The following ANTXR1 variants were observed in gnomAD, a reference collection of about 807,000 sequenced individuals.
The protein encoded by ANTXR1 is ANTXR cell adhesion molecule 1.
Under a neutral mutation model 78.1 loss-of-function variants are expected in ANTXR1, and 19 were observed. The observed-to-expected ratio is 0.24, with a 90% CI of 0.17 to 0.36. ANTXR1 has a LOEUF of 0.36. Among genes scored for constraint, ANTXR1 ranks in the 10% least tolerant of loss-of-function variants. ANTXR1 has a pLI of 1.00. For synonymous variants in ANTXR1, 273 were observed against 260.5 expected (o/e 1.05, Z -0.46); for missense variants, 518 against 718.6 (o/e 0.72, Z 3.19).
At chr2:69,237,436 G>A (rs1021522511) in intron 17 of ANTXR1, among the ~76,000 whole-genome samples, 1 of 152,200 alleles carries the variant, frequency 6.6e-6, no homozygotes, top group East Asian at 1.9e-4. Flanking sequence ...CTTTGGGGAA[G>A]GGGAAGGAGC....
At chr2:69,143,695 C>A (rs1008243127) in intron 12 of ANTXR1, among the ~76,000 whole-genome samples, 4 of 151,928 alleles carry the variant, frequency 2.6e-5, no homozygotes, top group African/African-American at 7.3e-5. Flanking sequence ...GTACTTAATG[C>A]CACTGAATTG....
At chr2:69,150,191 G>A (rs1326121096) in intron 12 of ANTXR1, among the ~76,000 whole-genome samples, 1 of 152,188 alleles carries the variant, frequency 6.6e-6, no homozygotes, top group Non-Finnish European at 1.5e-5. Flanking sequence ...ACTCAGAGTG[G>A]GAGTGAGCCA....
At chr2:69,207,499 G>A (rs558117044) in intron 17 of ANTXR1, among the ~76,000 whole-genome samples, 17 of 152,298 alleles carry the variant, frequency 1.1e-4, no homozygotes, top group Non-Finnish European at 1.6e-4. Flanking sequence ...GCAGTTTCAC[G>A]TACAGTTTTA....
At chr2:69,034,398 A>G (rs984681495) in intron 1 of ANTXR1, among the ~76,000 whole-genome samples, 2 of 152,198 alleles carry the variant, frequency 1.3e-5, no homozygotes, top group Non-Finnish European at 2.9e-5. Flanking sequence ...ATCTTCAAGC[A>G]GAATTCCTGG....
At position 69,013,219 on chromosome 2, in the gene ANTXR1, G is replaced by C; in HGVS notation, c.-281G>C. The C allele has an allele frequency of 3.6e-6, 2 of 553,810 alleles. No homozygotes were observed. The highest frequency in any genetic ancestry group is 6.4e-6 in the Non-Finnish European group (2 of 311,642). The allele number at this position is 553,810 out of a possible 1,614,324, so 34.3% of individuals were successfully genotyped here. A position where few individuals can be genotyped will look rare whatever the true frequency, so the allele number is the denominator to read the frequency against. On this transcript the variant is annotated 5_prime_UTR_variant, in exon 1 of 18. Coordinates refer to ENST00000303714, the MANE Select transcript of ANTXR1 (RefSeq NM_032208.3). This position sits in a 1 kb window ranked among gnomAD's most constrained non-coding sequence, Gnocchi z 5.0. ...TTGCAAAAGCTCGGCGCGGCCTCGGGAGCTGCCCGGCGGCCCCGGACCGAG... is the reference window on the plus strand; with the variant it reads ...TTGCAAAAGCTCGGCGCGGCCTCGGCAGCTGCCCGGCGGCCCCGGACCGAG...
In ANTXR1 at chr2:69,017,877, A is replaced by G. The variant is rs190502204; in HGVS notation, c.152+4226A>G. On this transcript the variant is annotated intron_variant, in intron 1 of 17. Coordinates refer to ENST00000303714, the MANE Select transcript of ANTXR1 (RefSeq NM_032208.3). ...GCACCCATTTGACCAACCCACAGACATAACTACCTTCCCTCTCTCACAGCA... is the reference window on the plus strand; with the variant it reads ...GCACCCATTTGACCAACCCACAGACGTAACTACCTTCCCTCTCTCACAGCA... 1.3e-4 allele frequency among the ~76,000 whole-genome samples: 20 copies of G among 152,312 alleles called. No individual in the cohort carries two copies. The East Asian group carries it at 2.1e-3, about 16-fold the overall frequency.
chr2:69,094,029 T>C (rs1438212649), intron 9 of ANTXR1, among the ~76,000 whole-genome samples: 1 of 152,234 alleles, frequency 6.6e-6, no homozygotes, highest in Non-Finnish European at 1.5e-5. Context: ...AAGATATCCT[T>C]ACATCAAAAT....
At chr2:69,213,466 A>G (rs1675099129) in intron 17 of ANTXR1, among the ~76,000 whole-genome samples, 1 of 152,258 alleles carries the variant, frequency 6.6e-6, no homozygotes, top group African/African-American at 2.4e-5. Flanking sequence ...TAAAGGGACC[A>G]GAGCTTCTAT....
At chr2:69,150,009 C>T (rs1673348166) in intron 12 of ANTXR1, among the ~76,000 whole-genome samples, 1 of 152,220 alleles carries the variant, frequency 6.6e-6, no homozygotes, top group Non-Finnish European at 1.5e-5. Context: ...GGCTGCCCAG[C>T]CCTGCACCGG....
At chr2:69,072,998 G>A (rs1448833674) in intron 5 of ANTXR1, 24 bp from the exon 6 acceptor site, 1 of 1,612,040 alleles carries the variant, frequency 6.2e-7, no homozygotes, top group Non-Finnish European at 8.5e-7. Context: ...GGTGGACTGA[G>A]CCAGTCTGTA....
chr2:69,064,020 C>T (rs1451782109), intron 3 of ANTXR1, among the ~76,000 whole-genome samples: 1 of 151,632 alleles, frequency 6.6e-6, no homozygotes, highest in East Asian at 1.9e-4. Flanking sequence ...ACAGAAGTGA[C>T]CATTAGAAAG....
chr2:69,151,299 G>A (rs1323723375), intron 12 of ANTXR1, among the ~76,000 whole-genome samples: 1 of 145,754 alleles, frequency 6.9e-6, no homozygotes, highest in East Asian at 2.1e-4. Flanking sequence ...CTATGCAGAA[G>A]GAAGCTTTTG....
At position 69,100,094 on chromosome 2, in the gene ANTXR1, T is replaced by C. The variant is rs542653520; in HGVS notation, c.704-2748T>C. On this transcript the variant is annotated intron_variant, in intron 9 of 17. Coordinates refer to ENST00000303714, the MANE Select transcript of ANTXR1 (RefSeq NM_032208.3). ...TTCTTATAGGAGCTGTAAGCCAACATACAAGTTGCCTAAAAACACAGCTGT... is the reference window on the plus strand; with the variant it reads ...TTCTTATAGGAGCTGTAAGCCAACACACAAGTTGCCTAAAAACACAGCTGT... Among the ~76,000 whole-genome samples the C allele has an allele frequency of 2.6e-5, 4 of 152,330 alleles. No individual in the cohort carries two copies. The East Asian group carries it at 7.7e-4, about 29-fold the overall frequency.
At chr2:69,099,050 C>T (rs1391169196) in intron 9 of ANTXR1, among the ~76,000 whole-genome samples, 1 of 152,142 alleles carries the variant, frequency 6.6e-6, no homozygotes, top group African/African-American at 2.4e-5. Flanking sequence ...TAATAACTAT[C>T]TAATTCCAGA....
Position 69,246,227 on chromosome 2 carries a change from TCTAAAACCCAC to T in ANTXR1, c.*743_*753del. The T allele has an allele frequency of 6.6e-6, 1 of 152,426 alleles. No individual in the cohort carries two copies. 9.4% of individuals were successfully genotyped at this position (152,426 alleles called of 1,614,324 possible). ...GTATTCATGGGAGCATCAGCCAGTT[TCTAAAACCCAC>T]AGGCCATCAGCAGCTAGAGGTGGCT... is the stretch of plus-strand genomic sequence containing the variant. On this transcript the variant is annotated 3_prime_UTR_variant, in exon 18 of 18. Transcript: ENST00000303714.
chr2:69,220,138 A>G (rs529222954), intron 17 of ANTXR1, among the ~76,000 whole-genome samples: 22 of 152,320 alleles, frequency 1.4e-4, no homozygotes, highest in African/African-American at 5.3e-4. Context: ...AAAAGAAAAA[A>G]TAGTGAATAG....
At chr2:69,205,576 GGGAAT>G (rs1304945348) in intron 17 of ANTXR1, among the ~76,000 whole-genome samples, 1 of 149,240 alleles carries the variant, frequency 6.7e-6, no homozygotes, top group Non-Finnish European at 1.5e-5. Context: ...AGCAATTTGA[GGGAAT>G]GAACCATGGC....
At position 69,181,778 on chromosome 2, in the gene ANTXR1, C is replaced by T; in HGVS notation, c.1090-8C>T. 6.2e-7 allele frequency: 1 copy of T among 1,613,948 alleles called. No homozygotes were observed. The highest frequency in any genetic ancestry group is 1.3e-5 in the African/African-American group (1 of 75,050). ...TTGCTTCCTTCATGTGCCACAATTT[C>T]TCTGCAGGAAGAAGATGATGATGGT... On this transcript the variant is annotated splice_polypyrimidine_tract_variant and splice_region_variant and intron_variant, in intron 14 of 17. Transcript: ENST00000303714.
intron 12 of ANTXR1, among the ~76,000 whole-genome samples, chr2:69,130,547 C>T (rs1458432934): frequency 6.6e-6 from 1 of 152,162 alleles, no homozygotes; most frequent in African/African-American, 2.4e-5. Context: ...CACATCCCAG[C>T]CCCTTGACTT....
Sources: gnomAD v4.1 joint callset for allele counts (sites outside exome capture counted in the v4.1 genomes callset) on GRCh38, gnomAD v4.1.1 for gene constraint, Gnocchi (gnomAD v3.1) non-coding constraint, MANE v1.5 for transcripts, NCBI Gene and HGNC (gene_info 2026-07-23, HGNC 2026-07-21) for gene names.